Variants in LTBP1 observed in about 807,000 individuals in gnomAD.
LTBP1 encodes latent-transforming growth factor beta-binding protein 1.
LTBP1 carries 129 observed loss-of-function variants against 207.6 expected under a neutral mutation model. The observed-to-expected ratio is 0.62, with a 90% CI of 0.54 to 0.72. The LOEUF is 0.72. Among genes scored for constraint, LTBP1 ranks in the 30% least tolerant of loss-of-function variants. The pLI, the probability that LTBP1 is intolerant of heterozygous loss-of-function variation, is 0.00. For synonymous variants in LTBP1, 963 were observed against 833.7 expected (o/e 1.16, Z -2.67); for missense variants, 2,281 against 2,217.2 (o/e 1.03, Z -0.58).
chr2:33,027,243 G>A (rs930349151), intron 3 of LTBP1, among the ~76,000 whole-genome samples: 5 of 152,148 alleles, frequency 3.3e-5, no homozygotes, highest in African/African-American at 1.2e-4. Context: ...AATAAAAATT[G>A]TATGTATTTA....
At chr2:33,260,233 C>A (rs1402859660) in intron 13 of LTBP1, among the ~76,000 whole-genome samples, 1 of 152,150 alleles carries the variant, frequency 6.6e-6, no homozygotes, top group Non-Finnish European at 1.5e-5. Context: ...ATTGTTCCTT[C>A]TCTGAATCCG....
intron 7 of LTBP1, among the ~76,000 whole-genome samples, chr2:33,215,485 T>C (rs1156797133): frequency 6.6e-6 from 1 of 152,176 alleles, no homozygotes; most frequent in African/African-American, 2.4e-5. Flanking sequence ...CTGAGCCTTC[T>C]GTGGTTTGGT....
At chr2:33,219,729 C>CT (rs2090972256) in intron 8 of LTBP1, among the ~76,000 whole-genome samples, 3 of 152,160 alleles carry the variant, frequency 2.0e-5, no homozygotes, top group Admixed American at 2.0e-4. Context: ...TCTTATTTTT[C>CT]TTTTTCATTT....
At chr2:33,207,644 C>T (rs181923023) in intron 7 of LTBP1, among the ~76,000 whole-genome samples, 1 of 152,320 alleles carries the variant, frequency 6.6e-6, no homozygotes, top group African/African-American at 2.4e-5. Flanking sequence ...GTTACCCAGC[C>T]AGTTCTGCAT....
intron 26 of LTBP1, among the ~76,000 whole-genome samples, chr2:33,349,767 G>A (rs1462027483): frequency 6.6e-6 from 1 of 152,024 alleles, no homozygotes; most frequent in Non-Finnish European, 1.5e-5. Flanking sequence ...AGCTCTTCTG[G>A]TTACATTCAT....
At chr2:32,988,391 G>C (rs1683914149) in intron 2 of LTBP1, among the ~76,000 whole-genome samples, 1 of 152,146 alleles carries the variant, frequency 6.6e-6, no homozygotes, top group African/African-American at 2.4e-5. Flanking sequence ...CTTTCAAGAT[G>C]GCAGTAGCCC....
At chr2:33,152,114 C>T (rs1441211837) in intron 5 of LTBP1, among the ~76,000 whole-genome samples, 1 of 152,110 alleles carries the variant, frequency 6.6e-6, no homozygotes, top group East Asian at 1.9e-4. Context: ...AAGGAACAGT[C>T]AGCAGAGTAA....
intron 20 of LTBP1, 68 bp from the exon 21 acceptor site, chr2:33,300,383 T>C: frequency 2.0e-6 from 3 of 1,505,354 alleles, no homozygotes; most frequent in Non-Finnish European, 2.8e-6. Flanking sequence ...CCAGAATGCA[T>C]TGCAGGGAGC....
chr2:33,295,966 A>G (rs149769507), intron 20 of LTBP1, among the ~76,000 whole-genome samples: 1 of 152,268 alleles, frequency 6.6e-6, no homozygotes, highest in Non-Finnish European at 1.5e-5. Context: ...CTAGTGGAAC[A>G]TCTAACGTGG....
chr2:33,182,072 A>G (rs1328998074), intron 5 of LTBP1, among the ~76,000 whole-genome samples: 1 of 152,206 alleles, frequency 6.6e-6, no homozygotes, highest in African/African-American at 2.4e-5. Flanking sequence ...GAACTGGAGA[A>G]TAGATATTTT....
At chr2:33,064,368 C>T (rs1480694163) in intron 3 of LTBP1, among the ~76,000 whole-genome samples, 1 of 152,112 alleles carries the variant, frequency 6.6e-6, no homozygotes, top group East Asian at 1.9e-4. Context: ...AAAAAGTTAG[C>T]CTCCCACAGT....
At chr2:33,227,758 A>G (rs570070234) in intron 9 of LTBP1, among the ~76,000 whole-genome samples, 6 of 146,846 alleles carry the variant, frequency 4.1e-5, no homozygotes, top group Non-Finnish European at 9.0e-5. Flanking sequence ...TTTGATGTGG[A>G]TGAAGAAAGG....
At chr2:33,003,563 G>A (rs754614042) in intron 2 of LTBP1, among the ~76,000 whole-genome samples, 4 of 152,172 alleles carry the variant, frequency 2.6e-5, no homozygotes, top group Non-Finnish European at 4.4e-5. Context: ...AACTTGAAGC[G>A]CTGTCCACAT....
At chr2:33,040,027 T>C (rs1252904416) in intron 3 of LTBP1, among the ~76,000 whole-genome samples, 1 of 151,810 alleles carries the variant, frequency 6.6e-6, no homozygotes, top group African/African-American at 2.4e-5. Flanking sequence ...ATGGGACCGG[T>C]TTTGGAATCT....
chr2:33,393,231 CTTCTTTT>C (rs772921869), intron 32 of LTBP1, among the ~76,000 whole-genome samples: 13,179 of 75,470 alleles, frequency 0.17, 344 homozygotes, highest in Non-Finnish European at 0.2. Context: ...TTTCCTTCTT[CTTCTTTT>C]TTTTTTTTTT....
rs761615268 is a variant in LTBP1, at chr2:33,389,271, A to G, written c.4799A>G (p.Tyr1600Cys). 3.1e-6 allele frequency: 5 copies of G among 1,614,214 alleles called. No individual in the cohort carries two copies. The highest frequency in any genetic ancestry group is 2.5e-6 in the Non-Finnish European group (3 of 1,180,036). The change falls in exon 32 of 34, where the codon TAT becomes TGT. Residue 1600 changes from tyrosine to cysteine, a missense_variant. Tyr to Cys is a radical substitution (Grantham distance 194). Transcript: ENST00000404816. ...RDALVDFSEQ[Y>C]TPEADPYFIQ... Reference sequence around the variant, plus strand: ...GCCTTGGTTGACTTCAGTGAACAGTATACTCCAGAAGCCGATCCCTACTTC... The same window carrying G: ...GCCTTGGTTGACTTCAGTGAACAGTGTACTCCAGAAGCCGATCCCTACTTC...
chr2:33,232,794 C>T (rs10192129), intron 9 of LTBP1, among the ~76,000 whole-genome samples: 3,643 of 152,172 alleles, frequency 0.024, 162 homozygotes, highest in African/African-American at 0.083. Flanking sequence ...GTGAGGGTCA[C>T]TAAAGTATAT....
At chr2:33,149,220 CAAAAAAACAAAAAAAAAAA>C (rs2083301761) in intron 5 of LTBP1, among the ~76,000 whole-genome samples, 1 of 15,166 alleles carries the variant, frequency 6.6e-5, no homozygotes, top group East Asian at 9.9e-4. Context: ...GTCTCACTCA[CAAAAAAACAAAAAAAAAAA>C]AAAAAAAAAA....
intron 5 of LTBP1, among the ~76,000 whole-genome samples, chr2:33,183,595 G>A (rs1266295572): frequency 2.0e-5 from 3 of 152,162 alleles, no homozygotes; most frequent in Non-Finnish European, 2.9e-5. Flanking sequence ...ACAAAACTAC[G>A]GTAACGGAAA....
Sources: allele counts gnomAD v4.1 joint callset (sites outside exome capture counted in the v4.1 genomes callset), GRCh38; gene constraint gnomAD v4.1.1; transcripts MANE v1.5; gene names NCBI Gene and HGNC (gene_info 2026-07-23, HGNC 2026-07-21).